The following LAMA4 variants were observed in gnomAD, a reference collection of about 807,000 sequenced individuals.
LAMA4 encodes the protein laminin subunit alpha 4, also known as laminin subunit alpha-4.
In LAMA4, 127 loss-of-function variants were observed where a neutral mutation model predicts 207.1. The observed-to-expected ratio is 0.61, with a 90% CI of 0.53 to 0.71. The LOEUF is 0.71. Among genes scored for constraint, LAMA4 ranks in the 30% least tolerant of loss-of-function variants. LAMA4 has a pLI of 0.00. For synonymous variants in LAMA4, 761 were observed against 816.0 expected (o/e 0.93, Z 1.15); for missense variants, 2,093 against 2,246.5 (o/e 0.93, Z 1.38).
intron 2 of LAMA4, chr6:112,218,679 G>C (rs552769993): frequency 4.6e-5 from 7 of 152,330 alleles, no homozygotes; most frequent in Non-Finnish European, 5.9e-5. Flanking sequence ...TTCACTGTGA[G>C]AGCCTGTCAT....
intron 31 of LAMA4, among the ~76,000 whole-genome samples, chr6:112,123,067 C>A (rs1262244646): frequency 6.6e-6 from 1 of 152,136 alleles, no homozygotes; most frequent in African/African-American, 2.4e-5. Context: ...CAGGTTGGTG[C>A]CAGATAGGAC....
intron 12 of LAMA4, among the ~76,000 whole-genome samples, chr6:112,167,992 G>A (rs1554340576): frequency 6.6e-6 from 1 of 152,010 alleles, no homozygotes; most frequent in East Asian, 1.9e-4. Context: ...CAGATCACAA[G>A]GTCAGGAGAT....
At chr6:112,190,956 CTTT>C (rs1583846640) in intron 6 of LAMA4, among the ~76,000 whole-genome samples, 10 of 100,492 alleles carry the variant, frequency 1.0e-4, no homozygotes, top group African/African-American at 3.8e-4. Flanking sequence ...TCCTTTCTTT[CTTT>C]CTTTCTTTCT....
chr6:112,247,545 C>T (rs1365092468), intron 2 of LAMA4, among the ~76,000 whole-genome samples: 1 of 152,118 alleles, frequency 6.6e-6, no homozygotes, highest in Admixed American at 6.6e-5. Context: ...ACCAGAAGAC[C>T]TGGCAATGCT....
intron 2 of LAMA4, among the ~76,000 whole-genome samples, chr6:112,241,152 T>TATATATGA (rs782682915): frequency 1.0e-4 from 10 of 98,486 alleles, no homozygotes; most frequent in African/African-American, 4.3e-4. Context: ...TATATATGAA[T>TATATATGA]ATATATATGA....
At chr6:112,150,114 A>G (rs1207356295) in intron 17 of LAMA4, among the ~76,000 whole-genome samples, 1 of 152,086 alleles carries the variant, frequency 6.6e-6, no homozygotes, top group Non-Finnish European at 1.5e-5. Flanking sequence ...AAGAAATCCA[A>G]TAACCAAATT....
intron 2 of LAMA4, among the ~76,000 whole-genome samples, chr6:112,237,677 T>C (rs548313936): frequency 6.6e-6 from 1 of 152,290 alleles, no homozygotes; most frequent in Non-Finnish European, 1.5e-5. Flanking sequence ...TTTAATACAT[T>C]TCTACACACA....
At chr6:112,121,621 A>G (rs1053385999) in intron 32 of LAMA4, among the ~76,000 whole-genome samples, 1 of 152,216 alleles carries the variant, frequency 6.6e-6, no homozygotes, top group Admixed American at 6.5e-5. Flanking sequence ...TGTATTTTCA[A>G]TGCCTTTCCT....
At chr6:112,159,109 T>C (rs1583753169) in intron 13 of LAMA4, 1 of 519,484 alleles carries the variant, frequency 1.9e-6, no homozygotes, top group Non-Finnish European at 3.4e-6. Context: ...CCAGAAATGC[T>C]CTACCATTTC....
At chr6:112,159,820 G>A (rs550160416) in intron 13 of LAMA4, among the ~76,000 whole-genome samples, 1 of 152,274 alleles carries the variant, frequency 6.6e-6, no homozygotes, top group South Asian at 2.1e-4. Context: ...GGGAGTGGTT[G>A]ATTTTGTGGG....
intron 13 of LAMA4, chr6:112,159,108 C>T (rs1780899170): frequency 1.9e-6 from 1 of 524,284 alleles, no homozygotes; most frequent in Non-Finnish European, 3.4e-6. Context: ...CCCAGAAATG[C>T]TCTACCATTT....
intron 5 of LAMA4, chr6:112,200,168 G>A (rs782676045): frequency 5.6e-6 from 3 of 533,060 alleles, no homozygotes; most frequent in Non-Finnish European, 1.2e-5. Flanking sequence ...GTGCTCTGTG[G>A]AGAAGGCCTT....
In LAMA4 at chr6:112,158,886, GA is replaced by G. The variant is rs531072297; in HGVS notation, c.1669-7del. 98 of 1,598,056 alleles carry G rather than the reference GA, an allele frequency of 6.1e-5. No homozygotes were observed. The African/African-American group carries it at 9.0e-4, about 15-fold the overall frequency. On this transcript the variant is annotated splice_region_variant and splice_polypyrimidine_tract_variant and intron_variant, in intron 13 of 38. Coordinates refer to ENST00000230538, the MANE Select transcript of LAMA4 (RefSeq NM_001105206.3). ...GCATAAATCCCTGACGCATTCTAAA[GA>G]AAAAAATTTTAATAAATACATTGAA...
At chr6:112,128,796 A>G in intron 31 of LAMA4, 126 bp downstream of exon 31, 1 of 763,426 alleles carries the variant, frequency 1.3e-6, no homozygotes, top group South Asian at 1.7e-5. Flanking sequence ...TGATACTGCA[A>G]GAATCCCATC....
chr6:112,115,293 T>G (rs777762109), intron 36 of LAMA4, among the ~76,000 whole-genome samples: 55 of 151,384 alleles, frequency 3.6e-4, no homozygotes, highest in Non-Finnish European at 7.4e-4. Flanking sequence ...TAGAATGTAC[T>G]AGAACCCAAA....
At chr6:112,235,590 G>A (rs1185265219) in intron 2 of LAMA4, among the ~76,000 whole-genome samples, 1 of 152,180 alleles carries the variant, frequency 6.6e-6, no homozygotes, top group Non-Finnish European at 1.5e-5. Context: ...CTGTGTACAG[G>A]AGGAATACCA....
At position 112,144,823 on chromosome 6, in the gene LAMA4, T is replaced by G; in HGVS notation, c.2464A>C (p.Ile822Leu). 1.2e-6 allele frequency: 2 copies of G among 1,613,846 alleles called. No individual in the cohort carries two copies. The highest frequency in any genetic ancestry group is 1.7e-6 in the Non-Finnish European group (2 of 1,180,018). Residue 822 changes from isoleucine to leucine, a missense_variant, in exon 19 of 39, where the codon ATT becomes CTT. Coordinates refer to ENST00000230538, the MANE Select transcript of LAMA4 (RefSeq NM_001105206.3). ...SASIQRIREL[I>L]AQTRSVASKI... ...CTGGCAACACTTCTGGTCTGAGCAA[T>G]GAGCTCTCGGATCCTCTGGATGCTG...
At chr6:112,196,941 A>G (rs1311861727) in intron 5 of LAMA4, among the ~76,000 whole-genome samples, 1 of 152,216 alleles carries the variant, frequency 6.6e-6, no homozygotes, top group African/African-American at 2.4e-5. Flanking sequence ...TCTGTCAAGC[A>G]GCTCATAGTT....
At chr6:112,206,882 C>T in intron 4 of LAMA4, 139 bp downstream of exon 4, 1 of 970,386 alleles carries the variant, frequency 1.0e-6, no homozygotes, top group Non-Finnish European at 1.6e-6. Flanking sequence ...TTTTCTATAT[C>T]TTTTCCAGTC....
Sources: allele counts gnomAD v4.1 joint callset (sites outside exome capture counted in the v4.1 genomes callset), GRCh38; gene constraint gnomAD v4.1.1; transcripts MANE v1.5; gene names NCBI Gene and HGNC (gene_info 2026-07-23, HGNC 2026-07-21).